The following LGI4 variants were observed in gnomAD, a reference collection of about 807,000 sequenced individuals.
LGI4 encodes leucine rich repeat LGI family member 4.
LGI4 carries 36 observed loss-of-function variants against 48.3 expected under a neutral mutation model. The ratio of observed to expected loss-of-function variants is 0.75; its 90% CI spans 0.57 to 0.98. The LOEUF (loss-of-function observed/expected upper bound fraction) is 0.98, where lower values mean the gene tolerates loss of function less well. LGI4 is among the 50% of genes least tolerant of loss of function. LGI4 has a pLI of 0.00. For missense variants in LGI4, 701 were observed against 732.1 expected, an observed-to-expected ratio of 0.96 and a Z score of 0.49; for synonymous variants, 355 against 331.6, an observed-to-expected ratio of 1.07 and a Z score of -0.77.
chr19:35,126,868 C>G lies in LGI4; in HGVS notation c.778G>C (p.Glu260Gln). The G allele has an allele frequency of 1.9e-6, 3 of 1,611,800 alleles. No homozygotes were observed. Among genetic ancestry groups the G allele is most frequent in the Non-Finnish European group, 2.5e-6 (3 of 1,179,468 alleles). Residue 260 changes from glutamate (E) to glutamine (Q), a missense_variant, in exon 7 of 9, where the codon GAG becomes CAG. Glu to Gln is a conservative substitution (Grantham distance 29, BLOSUM62 2). This residue lies in a region of LGI4 where 462 missense variants were observed against 436.4 expected (regional missense o/e 1.06). Transcript: ENST00000310123. Reference sequence around the variant, plus strand: ...GGGGGCTCACCGGGCAGCTCTTCCTCGGGCCGGAAGCGCTGCAGGCTGTAG... The same window carrying G: ...GGGGGCTCACCGGGCAGCTCTTCCTGGGGCCGGAAGCGCTGCAGGCTGTAG... ...WDYSLQRFRP[E>Q]EELPAASVVS...
Position 35,126,791 on chromosome 19 carries a change from G to T in LGI4, c.794-16C>A, listed in dbSNP as rs1269287671. On this transcript the variant is annotated splice_polypyrimidine_tract_variant and intron_variant, in intron 7 of 8. Transcript: ENST00000310123. ...ACGGAGGCCGCTGTGGGGAGGTGGGGAGGCAGGTCAGGCCAGCCAGGCAGG... is the reference window on the plus strand; with the variant it reads ...ACGGAGGCCGCTGTGGGGAGGTGGGTAGGCAGGTCAGGCCAGCCAGGCAGG... 6.4e-7 allele frequency: 1 copy of T among 1,571,544 alleles called. No homozygotes were observed. Among genetic ancestry groups the T allele is most frequent in the Non-Finnish European group, 8.6e-7 (1 of 1,164,276 alleles).
At chr19:35,133,878 G>T in intron 2 of LGI4, 114 bp from the exon 3 acceptor site, 1 of 1,322,786 alleles carries the variant, frequency 7.6e-7, no homozygotes, top group Non-Finnish European at 1.1e-6. Flanking sequence ...GTGAGTATGT[G>T]CATGGACACA....
At position 35,131,845 on chromosome 19, in the gene LGI4, G is replaced by A. The variant is rs1442773492; in HGVS notation, c.402C>T (p.Asn134=). 3 of 1,574,552 alleles carry A rather than the reference G, an allele frequency of 1.9e-6. No homozygotes were observed. Among genetic ancestry groups the A allele is most frequent in the Non-Finnish European group, 2.6e-6 (3 of 1,159,756 alleles). ...GGAATCTGGGGAGGGTCTCCAGATG[G>A]TTATTGGCCAGGCTTCTGGTGGAGG... ...RSLTHLSLAN[N]HLETLPRFLF... is the part of the protein sequence containing the mutation. Residue 134 remains asparagine (N), a synonymous_variant, in exon 5 of 9, where the codon AAC becomes AAT. Transcript: ENST00000310123.
In LGI4 at chr19:35,129,209, G is replaced by A. The variant is rs146362319; in HGVS notation, c.628+2177C>T. Among the ~76,000 whole-genome samples the A allele has an allele frequency of 6.7e-3, 1,013 of 152,250 alleles. 7 individuals carry two copies. Among genetic ancestry groups the A allele is most frequent in the Non-Finnish European group, 9.7e-3 (662 of 68,022 alleles). Reference sequence around the variant, plus strand: ...ACATTTGTTGGATAACTTGAATGAAGAGGGACTCCCTAAGTTAAATCCCCT... The same window carrying A: ...ACATTTGTTGGATAACTTGAATGAAAAGGGACTCCCTAAGTTAAATCCCCT... On this transcript the variant is annotated intron_variant, in intron 6 of 8. Transcript: ENST00000310123.
intron 5 of LGI4, 55 bp from the exon 6 acceptor site, chr19:35,131,610 A>G: frequency 6.6e-7 from 1 of 1,523,386 alleles, no homozygotes; most frequent in Non-Finnish European, 8.9e-7. Flanking sequence ...CCTGGGGGCC[A>G]TGCTCCTGCC....
chr19:35,125,732 C>T (rs750954513), intron 8 of LGI4: 18 of 694,312 alleles, frequency 2.6e-5, no homozygotes, highest in South Asian at 2.4e-4. Context: ...TCAGTTTCAC[C>T]TTCTACAGTT....
At position 35,126,743 on chromosome 19, in the gene LGI4, G is replaced by C; in HGVS notation, c.826C>G (p.Leu276Val). ...GCCAGCACGAAGAGGCTCGGGCCCA[G>C]CACCAGTGGCTTGCAGGACACCACG... ...ASVVSCKPLV[L>V]GPSLFVLAAR... The change falls in exon 8 of 9, where the codon CTG (leucine) becomes GTG (valine). Residue 276 changes from leucine (L) to valine (V), a missense_variant. By Grantham distance (32) the Leu-to-Val change is conservative (BLOSUM62 1). Coordinates refer to ENST00000310123, the MANE Select transcript of LGI4 (RefSeq NM_139284.3). 6.5e-7 allele frequency: 1 copy of C among 1,542,162 alleles called. No individual in the cohort carries two copies.
chr19:35,131,857 G>A lies in LGI4; in HGVS notation c.390C>T (p.Ser130=), dbSNP rs2145367294. ...GGGTCTCCAGATGGTTATTGGCCAG[G>A]CTTCTGGTGGAGGAAGAGAAGGCAC... ...LRGLRSLTHL[S]LANNHLETLP... is the part of the protein sequence containing the mutation. The change falls in exon 5 of 9, where the codon AGC becomes AGT. Residue 130 remains serine, a synonymous_variant. Coordinates refer to ENST00000310123, the MANE Select transcript of LGI4 (RefSeq NM_139284.3). 1 of 1,572,068 alleles carries A rather than the reference G, an allele frequency of 6.4e-7. No individual in the cohort carries two copies. Among genetic ancestry groups the A allele is most frequent in the Non-Finnish European group, 8.6e-7 (1 of 1,158,472 alleles).
chr19:35,126,776 C>G lies in LGI4; in HGVS notation c.794-1G>C. 6.4e-7 allele frequency: 1 copy of G among 1,557,270 alleles called. No homozygotes were observed. The highest frequency in any genetic ancestry group is 8.6e-7 in the Non-Finnish European group (1 of 1,157,012). Reference sequence around the variant, plus strand: ...GGCTTGCAGGACACCACGGAGGCCGCTGTGGGGAGGTGGGGAGGCAGGTCA... The same window carrying G: ...GGCTTGCAGGACACCACGGAGGCCGGTGTGGGGAGGTGGGGAGGCAGGTCA... On this transcript the variant is annotated splice_acceptor_variant, in intron 7 of 8. Transcript: ENST00000310123. LOFTEE classifies it high-confidence loss of function.
intron 6 of LGI4, among the ~76,000 whole-genome samples, chr19:35,130,340 C>T (rs1041343845): frequency 1.3e-5 from 2 of 152,128 alleles, no homozygotes; most frequent in African/African-American, 4.8e-5. Context: ...AGGGGCAGGT[C>T]CCCTTCATAT....
Position 35,126,365 on chromosome 19 carries a change from C to G in LGI4, c.1204G>C (p.Asp402His). The G allele has an allele frequency of 6.2e-7, 1 of 1,611,718 alleles. No homozygotes were observed. Among genetic ancestry groups the G allele is most frequent in the Non-Finnish European group, 8.5e-7 (1 of 1,179,602 alleles). The stretch of plus-strand genomic sequence containing the variant: ...TAGACATCCTCGGCCTCGGGGATGT[C>G]TGTGCGTCTCTCGAAGCGGCCACCG... ...WTGGRFERRT[D>H]IPEAEDVYAT... The change falls in exon 8 of 9, where the codon GAC becomes CAC. Residue 402 changes from aspartate to histidine, a missense_variant. Asp to His is a moderately conservative substitution (Grantham distance 81). Transcript: ENST00000310123.
rs929916246 is a variant in LGI4, at chr19:35,133,345, T to G, written c.314+348A>C. 8 of 1,123,888 alleles carry G rather than the reference T, an allele frequency of 7.1e-6. No individual in the cohort carries two copies. The African/African-American group carries it at 8.3e-5, about 12-fold the overall frequency. The allele number at this position is 1,123,888 out of a possible 1,614,324, so 69.6% of individuals were successfully genotyped here. A position where few individuals can be genotyped will look rare whatever the true frequency, so the allele number is the denominator to read the frequency against. ...AATTCAGAGTTGTTTCCTGGTCATT[T>G]GAAACGTTTCTTGTCTCTGACTTCT... On this transcript the variant is annotated intron_variant, in intron 3 of 8. Transcript: ENST00000310123.
At chr19:35,133,322 T>C (rs2065187776) in intron 3 of LGI4, 3 of 1,106,536 alleles carry the variant, frequency 2.7e-6, no homozygotes, top group Non-Finnish European at 3.3e-6. Context: ...CACTACCTAA[T>C]TCAGAGTTGT....
At position 35,134,472 on chromosome 19, in the gene LGI4, C is replaced by A. The variant is rs112839504; in HGVS notation, c.170+39G>T. 3 of 1,554,030 alleles carry A rather than the reference C, an allele frequency of 1.9e-6. No individual in the cohort carries two copies. In the African/African-American group the frequency reaches 4.1e-5, roughly 21 times the overall value. ...CCAACCTCTGGGGTCCCAGGACTTC[C>A]GTCCCCACCTTCGGGCATGCAGAAG... is the stretch of plus-strand genomic sequence containing the variant. On this transcript the variant is annotated intron_variant, in intron 1 of 8. Coordinates refer to ENST00000310123, the MANE Select transcript of LGI4 (RefSeq NM_139284.3).
intron 6 of LGI4, among the ~76,000 whole-genome samples, chr19:35,129,309 A>G (rs1423586832): frequency 6.6e-6 from 1 of 151,538 alleles, no homozygotes; most frequent in Non-Finnish European, 1.5e-5. Context: ...GCTGATAATA[A>G]TTATGTATGC....
At position 35,134,809 on chromosome 19, in the gene LGI4, CCTCTT is replaced by C; in HGVS notation, c.-134_-130del. Reference sequence around the variant, plus strand: ...GCACGCTCGGCCCTGGCTTCTCTCTCCTCTTCTCCGTCTTTCTTTCAGTCGGCCTT... The same window carrying C: ...GCACGCTCGGCCCTGGCTTCTCTCTCCTCCGTCTTTCTTTCAGTCGGCCTT... On this transcript the variant is annotated 5_prime_UTR_variant, in exon 1 of 9. Transcript: ENST00000310123. 1 of 573,440 alleles carries C rather than the reference CCTCTT, an allele frequency of 1.7e-6. No individual in the cohort carries two copies. The highest frequency in any genetic ancestry group is 3.1e-6 in the Non-Finnish European group (1 of 327,006). 35.5% of individuals were successfully genotyped at this position (573,440 alleles called of 1,614,324 possible).
chr19:35,131,884 G>A (rs371016053), intron 4 of LGI4, 24 bp from the exon 5 acceptor site: 121 of 1,564,126 alleles, frequency 7.7e-5, no homozygotes, highest in Admixed American at 1.3e-4. Flanking sequence ...AGAAGGCACC[G>A]TCAGCAGCCA....
At chr19:35,134,415 C>T (rs547948577) in intron 1 of LGI4, 96 bp downstream of exon 1, 6 of 1,268,176 alleles carry the variant, frequency 4.7e-6, no homozygotes, top group Non-Finnish European at 4.4e-6. Context: ...TCCTGATGGG[C>T]CCCTGTTTCC....
rs768425930 is a variant in LGI4 at position 35,126,264 on chromosome 19, C to T, written c.1299+6G>A. On this transcript the variant is annotated splice_donor_region_variant and intron_variant, in intron 8 of 8. Transcript: ENST00000310123. ...GCCAGCCCCCCGCCCCCAGGCCCAG[C>T]CTCACCATGGAGTCCCCAATGTAGC... 38 of 1,611,072 alleles carry T rather than the reference C, an allele frequency of 2.4e-5. No homozygotes were observed. The highest frequency in any genetic ancestry group is 3.1e-5 in the Non-Finnish European group (37 of 1,179,252).
Sources: allele counts gnomAD v4.1 joint callset (sites outside exome capture counted in the v4.1 genomes callset), GRCh38; gene constraint gnomAD v4.1.1; regional missense constraint gnomAD v4.1.1; transcripts MANE v1.5; gene names NCBI Gene and HGNC (gene_info 2026-07-23, HGNC 2026-07-21).